Variants in CEP250 observed in about 807,000 individuals in gnomAD.
CEP250 encodes centrosomal protein 250.
A neutral mutation model predicts 315.7 loss-of-function variants in CEP250; 242 were observed. That is an observed-to-expected ratio of 0.77 (90% CI 0.69 to 0.85). The LOEUF (loss-of-function observed/expected upper bound fraction) is 0.85. Ranked by LOEUF, CEP250 falls within the 40% of genes least tolerant of loss-of-function variation. The pLI, the probability that CEP250 is intolerant of heterozygous loss-of-function variation, is 0.00. For missense variants in CEP250, 2,515 were observed against 2,886.4 expected (o/e 0.87, Z 2.95); for synonymous variants, 1,088 against 1,175.0 (o/e 0.93, Z 1.51).
chr20:35,502,102 C>CATT (rs777168049), intron 29 of CEP250, 136 bp downstream of exon 29: 2 of 1,067,376 alleles, frequency 1.9e-6, no homozygotes, highest in Non-Finnish European at 1.3e-6. Context: ...CCCTGGGGGC[C>CATT]ATTATTCAGG....
chr20:35,475,755 A>G (rs777212294), intron 15 of CEP250, 109 bp downstream of exon 15: 7 of 1,206,854 alleles, frequency 5.8e-6, no homozygotes, highest in Non-Finnish European at 8.2e-6. Flanking sequence ...TCTTTCCTCA[A>G]TCATTAGTCT....
At chr20:35,496,553 G>A in intron 24 of CEP250, 24 bp from the exon 25 acceptor site, 1 of 1,608,662 alleles carries the variant, frequency 6.2e-7, no homozygotes, top group Non-Finnish European at 8.5e-7. Context: ...GAATGGCCCA[G>A]CACTCTGACC....
intron 30 of CEP250, among the ~76,000 whole-genome samples, chr20:35,505,381 G>A (rs769793902): frequency 3.3e-5 from 5 of 152,148 alleles, no homozygotes; most frequent in African/African-American, 9.7e-5. Flanking sequence ...GGCCAGGCAC[G>A]GTGGCTCACG....
At chr20:35,493,803 T>C (rs1214921140) in intron 23 of CEP250, among the ~76,000 whole-genome samples, 1 of 152,300 alleles carries the variant, frequency 6.6e-6, no homozygotes, top group East Asian at 1.9e-4. Flanking sequence ...GAGTTTTTGT[T>C]TTCCCTGGCT....
At chr20:35,492,437 C>A (rs1426896640) in intron 22 of CEP250, among the ~76,000 whole-genome samples, 1 of 152,090 alleles carries the variant, frequency 6.6e-6, no homozygotes, top group Non-Finnish European at 1.5e-5. Context: ...CTAAAACCCA[C>A]TACACAGTAT....
chr20:35,470,082 C>T (rs1224534932), intron 10 of CEP250, 96 bp downstream of exon 10: 2 of 785,646 alleles, frequency 2.5e-6, no homozygotes, highest in Admixed American at 2.5e-5. Context: ...TTACATATTC[C>T]ATGATGAAAT....
Position 35,511,872 on chromosome 20 carries a change from C to T in CEP250, c.*246C>T, listed in dbSNP as rs2064372307. 1 of 1,330,812 alleles carries T rather than the reference C, an allele frequency of 7.5e-7. No homozygotes were observed. Among genetic ancestry groups the T allele is most frequent in the Non-Finnish European group, 9.6e-7 (1 of 1,043,732 alleles). 82.4% of individuals were successfully genotyped at this position (1,330,812 alleles called of 1,614,324 possible). A position where few individuals can be genotyped will look rare whatever the true frequency, so the allele number is the denominator to read the frequency against. On this transcript the variant is annotated 3_prime_UTR_variant, in exon 35 of 35. Transcript: ENST00000397527. The stretch of plus-strand genomic sequence containing the variant: ...CACCCAGAGGGGTGCCTTGCCCTGG[C>T]TGAGGGACATGTACTGCCTCTCATC...
intron 5 of CEP250, among the ~76,000 whole-genome samples, chr20:35,463,854 T>A (rs1333446307): frequency 6.6e-6 from 1 of 152,148 alleles, no homozygotes; most frequent in Non-Finnish European, 1.5e-5. Flanking sequence ...TAAATTAGAT[T>A]GGAAGGAGTG....
intron 1 of CEP250, among the ~76,000 whole-genome samples, chr20:35,457,837 A>G (rs1322017676): frequency 6.6e-6 from 1 of 152,134 alleles, no homozygotes; most frequent in East Asian, 1.9e-4. Flanking sequence ...TACCTTGGAA[A>G]TTAATGGAGA....
At chr20:35,476,263 T>C (rs2063170524) in intron 15 of CEP250, 186 bp from the exon 16 acceptor site, 1 of 539,452 alleles carries the variant, frequency 1.9e-6, no homozygotes, top group Non-Finnish European at 3.3e-6. Flanking sequence ...TTGGTATCTC[T>C]ATACTGTGAG....
At chr20:35,459,415 A>G (rs992029229) in intron 2 of CEP250, among the ~76,000 whole-genome samples, 5 of 152,132 alleles carry the variant, frequency 3.3e-5, no homozygotes, top group African/African-American at 9.7e-5. Flanking sequence ...AATTCATGGA[A>G]CTATGTGTGG....
rs201927235 is a variant in CEP250 at position 35,467,000 on chromosome 20, G to A, written c.527G>A (p.Arg176His). The change falls in exon 8 of 35, where the codon CGC becomes CAC. Residue 176 changes from arginine to histidine, a missense_variant. Physicochemically the swap from Arg to His is conservative, Grantham distance 29. Transcript: ENST00000397527. The stretch of plus-strand genomic sequence containing the variant: ...GGCTACCTGAAAGGGGAGCACGGTC[G>A]CCTTCTCAGTCTATGGCGGGAGGTT... ...FKGYLKGEHGRLLSLWREVVT... is the reference protein window; with the variant it reads ...FKGYLKGEHGHLLSLWREVVT... The A allele has an allele frequency of 4.4e-5, 71 of 1,613,600 alleles. No individual in the cohort carries two copies. Among genetic ancestry groups the A allele is most frequent in the Non-Finnish European group, 5.6e-5 (66 of 1,179,678 alleles).
chr20:35,508,855 A>G, intron 32 of CEP250, 88 bp from the exon 33 acceptor site: 5 of 1,054,594 alleles, frequency 4.7e-6, no homozygotes, highest in Non-Finnish European at 7.0e-6. Flanking sequence ...ATATACCTGC[A>G]CAGGCACTGG....
At chr20:35,456,202 T>C (rs1227302552) in intron 1 of CEP250, among the ~76,000 whole-genome samples, 1 of 152,242 alleles carries the variant, frequency 6.6e-6, no homozygotes, top group Non-Finnish European at 1.5e-5. Flanking sequence ...GCCAAAGGCC[T>C]ATTTAATCTT....
At position 35,502,614 on chromosome 20, in the gene CEP250, A is replaced by G. The variant is rs1299522231; in HGVS notation, c.4245A>G (p.Gln1415=). The G allele has an allele frequency of 3.7e-6, 6 of 1,614,266 alleles. No individual in the cohort carries two copies. Among genetic ancestry groups the G allele is most frequent in the Middle Eastern group, 1.6e-4 (1 of 6,062 alleles). ...AGCAGGGCGAACTGAAGGTGGCCCA[A>G]GGGAAGGCTCTGCAAGAGAATTTGG... ...LQEQGELKVA[Q]GKALQENLAL... Residue 1415 remains glutamine (Q), a synonymous_variant, in exon 30 of 35, where the codon CAA becomes CAG. Transcript: ENST00000397527.
intron 9 of CEP250, among the ~76,000 whole-genome samples, chr20:35,468,111 G>A (rs1401920558): frequency 1.3e-5 from 2 of 151,864 alleles, no homozygotes; most frequent in Non-Finnish European, 2.9e-5. Context: ...ACCATACCCA[G>A]CTAATGTTTG....
rs1271802467 is a variant in CEP250, at chr20:35,518,461, C to T, written c.*6835C>T. On this transcript the variant is annotated 3_prime_UTR_variant, in exon 35 of 35. Coordinates refer to ENST00000397527, the MANE Select transcript of CEP250 (RefSeq NM_007186.6). ...TCATTTACTGAGGCTATTTGGTTAC[C>T]CTGAACTACTGTTTCTACCAAAAAG... The T allele has an allele frequency of 6.6e-6, 1 of 152,024 alleles. No homozygotes were observed. Among genetic ancestry groups the T allele is most frequent in the African/African-American group, 2.4e-5 (1 of 41,372 alleles). 9.4% of individuals were successfully genotyped at this position (152,024 alleles called of 1,614,324 possible). A position where few individuals can be genotyped will look rare whatever the true frequency, so the allele number is the denominator to read the frequency against.
rs2063177950 is a variant in CEP250 at position 35,476,499 on chromosome 20, A to G, written c.1767A>G (p.Thr589=). ...CGAGTTCTGAAAACACCCTGAAGAC[A>G]GAAGTAGCTGATCTTCGGGCTGCAG... ...ELSSSENTLK[T]EVADLRAAAV... Residue 589 remains threonine, a synonymous_variant, in exon 16 of 35, where the codon ACA becomes ACG. Coordinates refer to ENST00000397527, the MANE Select transcript of CEP250 (RefSeq NM_007186.6). The G allele has an allele frequency of 6.2e-7, 1 of 1,614,106 alleles. No homozygotes were observed.
intron 20 of CEP250, among the ~76,000 whole-genome samples, chr20:35,489,868 T>C (rs2063634113): frequency 1.3e-5 from 2 of 152,126 alleles, no homozygotes; most frequent in African/African-American, 4.8e-5. Context: ...TCAACCACAA[T>C]GTGGCTGCTT....
Sources: allele counts gnomAD v4.1 joint callset (sites outside exome capture counted in the v4.1 genomes callset), GRCh38; gene constraint gnomAD v4.1.1; transcripts MANE v1.5; gene names NCBI Gene and HGNC (gene_info 2026-07-23, HGNC 2026-07-21).